GATA6: variants seen among roughly 807,000 people sequenced by gnomAD.
The protein encoded by GATA6 is GATA binding protein 6, also known as transcription factor GATA-6.
Under a neutral mutation model 48.1 loss-of-function variants are expected in GATA6, and 11 were observed. The observed-to-expected ratio is 0.23, with a 90% CI of 0.14 to 0.38. The LOEUF is 0.38. Ranked by LOEUF, GATA6 falls within the 10% of genes least tolerant of loss-of-function variation. GATA6 has a pLI of 1.00. For missense variants in GATA6, 795 were observed against 850.3 expected (o/e 0.93, Z 0.81); for synonymous variants, 419 against 396.1 (o/e 1.06, Z -0.69).
chr18:22,190,123 C>T (rs1296908192), intron 6 of GATA6, among the ~76,000 whole-genome samples: 1 of 152,182 alleles, frequency 6.6e-6, no homozygotes, highest in African/African-American at 2.4e-5. Flanking sequence ...ATCACATATC[C>T]TCCCACTGAA....
intron 6 of GATA6, among the ~76,000 whole-genome samples, chr18:22,192,979 T>C (rs1003128225): frequency 1.3e-4 from 20 of 152,114 alleles, no homozygotes; most frequent in African/African-American, 4.6e-4. Context: ...TTCGTCTTCT[T>C]GAAAAGGGCA....
At chr18:22,174,136 GGAGGTAATGGTTGGGTGTGAA>G (rs1462576467) in intron 2 of GATA6, among the ~76,000 whole-genome samples, 4 of 152,216 alleles carry the variant, frequency 2.6e-5, no homozygotes, top group Non-Finnish European at 4.4e-5. Context: ...GAATCTCTAA[GGAGGTAATGGTTGGGTGTGAA>G]GCTTATTTTG....
intron 6 of GATA6, among the ~76,000 whole-genome samples, chr18:22,191,644 A>G (rs1038279110): frequency 6.6e-6 from 1 of 152,112 alleles, no homozygotes; most frequent in Non-Finnish European, 1.5e-5. Context: ...CTACCTGTTA[A>G]TTTTCTCTGA....
chr18:22,191,287 T>A (rs1434082712), intron 6 of GATA6, among the ~76,000 whole-genome samples: 1 of 152,160 alleles, frequency 6.6e-6, no homozygotes, highest in Non-Finnish European at 1.5e-5. Flanking sequence ...CAGAAGTTAT[T>A]CACCATTTCT....
chr18:22,188,423 AG>A (rs2033290087), intron 6 of GATA6, among the ~76,000 whole-genome samples: 1 of 152,202 alleles, frequency 6.6e-6, no homozygotes, highest in Non-Finnish European at 1.5e-5. Flanking sequence ...GGATTTTTGC[AG>A]GGGAAAAATT....
At position 22,171,463 on chromosome 18, in the gene GATA6, T is replaced by C. The variant is rs1448945012; in HGVS notation, c.319T>C (p.Ser107Pro). 6.3e-7 allele frequency: 1 copy of C among 1,599,120 alleles called. No individual in the cohort carries two copies. The highest frequency in any genetic ancestry group is 1.7e-5 in the Admixed American group (1 of 59,882). The change falls in exon 2 of 7, where the codon TCG becomes CCG. Residue 107 changes from serine to proline, a missense_variant. Transcript: ENST00000269216. This position sits in a 1 kb window ranked among gnomAD's most constrained non-coding sequence, Gnocchi z 7.1. ...PGVAGPGGNLSSWEDLLLFTD... is the reference protein window; with the variant it reads ...PGVAGPGGNLPSWEDLLLFTD... ...GGTCGCGGGCCCCGGGGGCAACCTG[T>C]CGAGCTGGGAGGACTTGCTGCTGTT...
Position 22,170,766 on chromosome 18 carries a change from GC to G in GATA6, c.-37-341del, listed in dbSNP as rs1208352587. 1.3e-5 allele frequency among the ~76,000 whole-genome samples: 2 copies of G among 152,050 alleles called. No homozygotes were observed. Among genetic ancestry groups the G allele is most frequent in the Non-Finnish European group, 2.9e-5 (2 of 68,026 alleles). On this transcript the variant is annotated intron_variant, in intron 1 of 6. Transcript: ENST00000269216. The surrounding 1 kb of genome is among the most constrained non-coding windows in gnomAD (Gnocchi z 6.7). Reference sequence around the variant, plus strand: ...TAGGGCGGAAGGAAAGCCTCAGCCAGCTTCTGCAGATCACCCCTGGGATCTG... The same window carrying G: ...TAGGGCGGAAGGAAAGCCTCAGCCAGTTCTGCAGATCACCCCTGGGATCTG...
chr18:22,194,667 G>A (rs2033368206), intron 6 of GATA6, among the ~76,000 whole-genome samples: 2 of 152,070 alleles, frequency 1.3e-5, no homozygotes, highest in African/African-American at 2.4e-5. Flanking sequence ...GTGTGTATTA[G>A]GTCCAGGATC....
intron 2 of GATA6, among the ~76,000 whole-genome samples, chr18:22,173,836 C>G (rs1441484752): frequency 6.6e-6 from 1 of 152,182 alleles, no homozygotes; most frequent in Non-Finnish European, 1.5e-5. Context: ...GTTTTTGCCA[C>G]GTTGGTCAGG....
At chr18:22,174,137 G>T (rs2033092011) in intron 2 of GATA6, among the ~76,000 whole-genome samples, 1 of 152,228 alleles carries the variant, frequency 6.6e-6, no homozygotes, top group Non-Finnish European at 1.5e-5. Flanking sequence ...AATCTCTAAG[G>T]AGGTAATGGT....
At chr18:22,190,225 G>T (rs2033310742) in intron 6 of GATA6, among the ~76,000 whole-genome samples, 1 of 152,048 alleles carries the variant, frequency 6.6e-6, no homozygotes, top group Admixed American at 6.6e-5. Flanking sequence ...GTTATACTTA[G>T]AAATCAAATG....
At position 22,201,644 on chromosome 18, in the gene GATA6, A is replaced by G. The variant is rs1342812049; in HGVS notation, c.*821A>G. 1 of 152,628 alleles carries G rather than the reference A, an allele frequency of 6.6e-6. No individual in the cohort carries two copies. The highest frequency in any genetic ancestry group is 2.4e-5 in the African/African-American group (1 of 41,464). 9.5% of individuals were successfully genotyped at this position (152,628 alleles called of 1,614,324 possible). ...CTTTTACAACTACATCCCATTTTATATTTCCAATTGTTAAAGAAAAATATT... is the reference window on the plus strand; with the variant it reads ...CTTTTACAACTACATCCCATTTTATGTTTCCAATTGTTAAAGAAAAATATT... On this transcript the variant is annotated 3_prime_UTR_variant, in exon 7 of 7. Transcript: ENST00000269216.
chr18:22,200,191 GTGTGT>G (rs1161169139), intron 6 of GATA6, among the ~76,000 whole-genome samples: 2 of 152,008 alleles, frequency 1.3e-5, no homozygotes, highest in East Asian at 3.9e-4. Context: ...GTGTGTGTGT[GTGTGT>G]GTGTGCGCGC....
chr18:22,200,378 CA>C (rs1212466304), intron 6 of GATA6, among the ~76,000 whole-genome samples: 1 of 152,224 alleles, frequency 6.6e-6, no homozygotes, highest in African/African-American at 2.4e-5. Context: ...TCCAGCTTTG[CA>C]TCTTGCCAGT....
In GATA6 at chr18:22,171,496, C is replaced by T. The variant is rs368297251; in HGVS notation, c.352C>T (p.Leu118Phe). 4.3e-5 allele frequency: 69 copies of T among 1,602,262 alleles called. No homozygotes were observed. The African/African-American group carries it at 8.4e-4, about 20-fold the overall frequency. Residue 118 changes from leucine to phenylalanine, a missense_variant, in exon 2 of 7, where the codon CTC becomes TTC. By Grantham distance (22) the Leu-to-Phe change is conservative. Coordinates refer to ENST00000269216, the MANE Select transcript of GATA6 (RefSeq NM_005257.6). This position sits in a 1 kb window ranked among gnomAD's most constrained non-coding sequence, Gnocchi z 7.1. ...GGAGGACTTGCTGCTGTTCACTGAC[C>T]TCGACCAAGCCGCGACCGCCAGCAA... is the stretch of plus-strand genomic sequence containing the variant. ...SWEDLLLFTD[L>F]DQAATASKLL...
Position 22,201,083 on chromosome 18 carries a change from A to G in GATA6, c.*260A>G, listed in dbSNP as rs2033457538. The G allele has an allele frequency of 1.8e-6, 1 of 560,320 alleles. No homozygotes were observed. The highest frequency in any genetic ancestry group is 3.2e-6 in the Non-Finnish European group (1 of 313,326). 34.7% of individuals were successfully genotyped at this position (560,320 alleles called of 1,614,324 possible). A position where few individuals can be genotyped will look rare whatever the true frequency, so the allele number is the denominator to read the frequency against. On this transcript the variant is annotated 3_prime_UTR_variant, in exon 7 of 7. Transcript: ENST00000269216. ...GGACCCTGCTCCACTTCCAGAAGCC[A>G]GGACTAGGACCTGGGCCTTGCCTGC... is the stretch of plus-strand genomic sequence containing the variant.
chr18:22,185,588 C>T lies in GATA6; in HGVS notation c.1620+2545C>T, dbSNP rs577260815. ...CAGGGACTGACTCTTGGCCTTGTTC[C>T]GAGGGCACACACGGCTGGTGCCTGG... is the stretch of plus-strand genomic sequence containing the variant. On this transcript the variant is annotated intron_variant, in intron 6 of 6. Transcript: ENST00000269216. This position sits in a 1 kb window ranked among gnomAD's most constrained non-coding sequence, Gnocchi z 4.3. Among the ~76,000 whole-genome samples, 12 of 152,334 alleles carry T rather than the reference C, an allele frequency of 7.9e-5. No individual in the cohort carries two copies. The highest frequency in any genetic ancestry group is 5.8e-4 in the East Asian group (3 of 5,178).
chr18:22,171,712 C>A lies in GATA6; in HGVS notation c.568C>A (p.Pro190Thr). 1 of 1,494,352 alleles carries A rather than the reference C, an allele frequency of 6.7e-7. No individual in the cohort carries two copies. 92.6% of individuals were successfully genotyped at this position (1,494,352 alleles called of 1,614,324 possible). ...AAAASSPVYV[P>T]TTRVGSMLPG... is the part of the protein sequence containing the mutation. Reference sequence around the variant, plus strand: ...GGCGGCCAGCTCCCCGGTCTACGTGCCCACCACCCGCGTGGGTTCCATGCT... The same window carrying A: ...GGCGGCCAGCTCCCCGGTCTACGTGACCACCACCCGCGTGGGTTCCATGCT... Residue 190 changes from proline to threonine, a missense_variant, in exon 2 of 7, where the codon CCC (proline) becomes ACC (threonine). Pro to Thr is a conservative substitution (Grantham distance 38). This residue lies in a region of GATA6 where 591 missense variants were observed against 570.0 expected (regional missense o/e 1.04). Transcript: ENST00000269216. This position sits in a 1 kb window ranked among gnomAD's most constrained non-coding sequence, Gnocchi z 7.1.
At chr18:22,191,850 T>C (rs1217238889) in intron 6 of GATA6, among the ~76,000 whole-genome samples, 5 of 152,194 alleles carry the variant, frequency 3.3e-5, no homozygotes, top group Non-Finnish European at 7.3e-5. Flanking sequence ...GCATTGATTC[T>C]AATGTCCTGT....
Sources: allele counts gnomAD v4.1 joint callset (sites outside exome capture counted in the v4.1 genomes callset), GRCh38; gene constraint gnomAD v4.1.1; regional missense constraint gnomAD v4.1.1; non-coding constraint Gnocchi (gnomAD v3.1); transcripts MANE v1.5; gene names NCBI Gene and HGNC (gene_info 2026-07-23, HGNC 2026-07-21).